Variants in FHIT observed in about 807,000 individuals in gnomAD.
FHIT encodes fragile histidine triad diadenosine triphosphatase.
In FHIT, 19 loss-of-function variants were observed where a neutral mutation model predicts 17.9. That is an observed-to-expected ratio of 1.06 (90% CI 0.74 to 1.56). The LOEUF (loss-of-function observed/expected upper bound fraction) is 1.56, where lower values mean the gene tolerates loss of function less well. FHIT is among the 40% of genes most tolerant of loss of function. The probability of loss-of-function intolerance (pLI) is 0.00; values close to 1 mark genes in which losing one functional copy is unlikely to be tolerated. For synonymous variants in FHIT, 81 were observed against 69.7 expected (o/e 1.16, Z -0.81); for missense variants, 248 against 189.2 (o/e 1.31, Z -1.82).
chr3:60,701,123 C>CTTTT (rs11425787), intron 4 of FHIT, among the ~76,000 whole-genome samples: 3 of 132,648 alleles, frequency 2.3e-5, no homozygotes, highest in Admixed American at 7.7e-5. Flanking sequence ...TGAAAAGACC[C>CTTTT]TTTTTTTTTT....
chr3:59,754,065 A>G (rs1628506), intron 8 of FHIT, among the ~76,000 whole-genome samples: 1,927 of 152,224 alleles, frequency 0.013, 49 homozygotes, highest in African/African-American at 0.044. Flanking sequence ...CAAACTCTAA[A>G]TCTAACCTAG....
intron 3 of FHIT, among the ~76,000 whole-genome samples, chr3:61,037,847 T>A (rs1163276070): frequency 6.6e-6 from 1 of 152,230 alleles, no homozygotes; most frequent in East Asian, 1.9e-4. Context: ...AATACATTTC[T>A]ATTCATTATA....
chr3:61,102,601 A>G (rs1373199700), intron 2 of FHIT, among the ~76,000 whole-genome samples: 1 of 152,128 alleles, frequency 6.6e-6, no homozygotes, highest in African/African-American at 2.4e-5. Context: ...CTCTTTTTCT[A>G]TTGAATGGAA....
intron 3 of FHIT, among the ~76,000 whole-genome samples, chr3:60,904,656 C>T (rs1308830245): frequency 6.6e-6 from 1 of 151,954 alleles, no homozygotes; most frequent in East Asian, 1.9e-4. Flanking sequence ...TTTTAAAATT[C>T]TTGGCCAGGC....
At chr3:60,160,134 GTGTGTGTGTC>G (rs753321000) in intron 5 of FHIT, among the ~76,000 whole-genome samples, 4,154 of 145,136 alleles carry the variant, frequency 0.029, 75 homozygotes, top group Non-Finnish European at 0.039. Context: ...ATGTGTGTGT[GTGTGTGTGTC>G]TGTGTGTCTG....
chr3:60,762,236 A>T (rs1048695287), intron 4 of FHIT, among the ~76,000 whole-genome samples: 1 of 152,172 alleles, frequency 6.6e-6, no homozygotes, highest in Non-Finnish European at 1.5e-5. Flanking sequence ...TAACTTAGAT[A>T]AAAAATAATC....
intron 4 of FHIT, among the ~76,000 whole-genome samples, chr3:60,756,958 T>C (rs1699447777): frequency 2.0e-5 from 3 of 152,172 alleles, no homozygotes; most frequent in African/African-American, 7.2e-5. Flanking sequence ...CATTGTTCAT[T>C]TGTTAGCTTA....
intron 1 of FHIT, among the ~76,000 whole-genome samples, chr3:61,212,007 A>C (rs9799246): frequency 0.43 from 65,531 of 151,748 alleles, 14,534 homozygotes; most frequent in East Asian, 0.58. Flanking sequence ...ATCTGTACAT[A>C]ACCATCATGA....
intron 1 of FHIT, among the ~76,000 whole-genome samples, chr3:61,242,024 T>C (rs1021753156): frequency 1.3e-5 from 2 of 152,154 alleles, no homozygotes; most frequent in Non-Finnish European, 2.9e-5. Context: ...GCAGAAAGGT[T>C]CAGGAAATGC....
intron 5 of FHIT, among the ~76,000 whole-genome samples, chr3:60,529,860 A>C (rs369277985): frequency 5.6e-4 from 85 of 152,322 alleles, no homozygotes; most frequent in African/African-American, 2.0e-3. Context: ...GAATTGGAGA[A>C]AGAACACCCC....
Position 60,537,078 on chromosome 3 carries a change from T to C in FHIT, c.-17-99A>G, listed in dbSNP as rs2036011126. On this transcript the variant is annotated intron_variant, in intron 4 of 9. Transcript: ENST00000492590. ...AAATTCCATTACTACAGATTCTTAG[T>C]TGCAGAGAGGATGCCATTGAAATTG... The C allele has an allele frequency of 3.2e-6, 3 of 935,622 alleles. No homozygotes were observed. In the African/African-American group the frequency reaches 5.1e-5, roughly 16 times the overall value. The allele number at this position is 935,622 out of a possible 1,614,324, so 58.0% of individuals were successfully genotyped here.
intron 5 of FHIT, among the ~76,000 whole-genome samples, chr3:60,307,955 G>A (rs965202472): frequency 6.6e-6 from 1 of 152,152 alleles, no homozygotes; most frequent in African/African-American, 2.4e-5. Flanking sequence ...TCACTATGCA[G>A]TGAGCACTGT....
chr3:60,392,802 A>C (rs1457519503), intron 5 of FHIT, among the ~76,000 whole-genome samples: 1 of 152,148 alleles, frequency 6.6e-6, no homozygotes, highest in Non-Finnish European at 1.5e-5. Flanking sequence ...GCCCAGTAAA[A>C]CCAAAGGTGG....
chr3:60,274,452 T>C (rs1707025870), intron 5 of FHIT, among the ~76,000 whole-genome samples: 2 of 152,268 alleles, frequency 1.3e-5, no homozygotes, highest in South Asian at 4.1e-4. Context: ...ATGTATCTTA[T>C]ATATGGAATG....
chr3:60,029,897 C>A (rs57601145), intron 5 of FHIT, among the ~76,000 whole-genome samples: 2 of 127,822 alleles, frequency 1.6e-5, no homozygotes, highest in Non-Finnish European at 3.2e-5. Context: ...GTGTGTGTGT[C>A]TGTGTGTGTG....
At chr3:60,383,501 CT>C in intron 5 of FHIT, among the ~76,000 whole-genome samples, 1 of 151,950 alleles carries the variant, frequency 6.6e-6, no homozygotes, top group Non-Finnish European at 1.5e-5. Context: ...AGGGATTCTG[CT>C]AAATATACTT....
intron 3 of FHIT, among the ~76,000 whole-genome samples, chr3:60,872,066 T>C (rs150387182): frequency 4.2e-4 from 64 of 152,206 alleles, no homozygotes; most frequent in African/African-American, 1.5e-3. Context: ...ATTTACAAGA[T>C]CATACTTCAG....
At chr3:60,421,628 ATATT>A (rs1246068620) in intron 5 of FHIT, among the ~76,000 whole-genome samples, 4 of 152,074 alleles carry the variant, frequency 2.6e-5, no homozygotes, top group African/African-American at 9.7e-5. Context: ...AAGTATTATG[ATATT>A]TATTACATAA....
In FHIT at chr3:60,777,659, G is replaced by A. The variant is rs886850324; in HGVS notation, c.-18+44260C>T. Among the ~76,000 whole-genome samples, 10 of 152,318 alleles carry A rather than the reference G, an allele frequency of 6.6e-5. 1 individual carries two copies. The highest frequency in any genetic ancestry group is 1.9e-4 in the African/African-American group (8 of 41,560). On this transcript the variant is annotated intron_variant, in intron 4 of 9. Transcript: ENST00000492590. ...AATGTGGATTTTTCCCACAAGAGAC[G>A]TTGCAGGGCAACTTCAAGGTATGGC... is the stretch of plus-strand genomic sequence containing the variant.
Sources: gnomAD v4.1 joint callset for allele counts (sites outside exome capture counted in the v4.1 genomes callset) on GRCh38, gnomAD v4.1.1 for gene constraint, MANE v1.5 for transcripts, NCBI Gene and HGNC (gene_info 2026-07-23, HGNC 2026-07-21) for gene names.